The following SCN10A variants were observed in gnomAD, a reference collection of about 807,000 sequenced individuals.
SCN10A encodes sodium channel protein type 10 subunit alpha.
In SCN10A, 162 loss-of-function variants were observed where a neutral mutation model predicts 170.7. That is an observed-to-expected ratio of 0.95 (90% CI 0.84 to 1.08). The LOEUF (loss-of-function observed/expected upper bound fraction) is 1.08, where lower values mean the gene tolerates loss of function less well. SCN10A is among the 50% of genes least tolerant of loss of function. SCN10A has a pLI of 0.00. For missense variants in SCN10A, 2,527 were observed against 2,436.9 expected (o/e 1.04, Z -0.78); for synonymous variants, 985 against 904.6 (o/e 1.09, Z -1.59).
intron 1 of SCN10A, among the ~76,000 whole-genome samples, chr3:38,807,049 G>C (rs2064409074): frequency 6.6e-6 from 1 of 152,088 alleles, no homozygotes; most frequent in Non-Finnish European, 1.5e-5. Flanking sequence ...AGATATCACA[G>C]GATTCCTTTC....
chr3:38,810,561 C>T (rs973503344), intron 1 of SCN10A, among the ~76,000 whole-genome samples: 4 of 152,144 alleles, frequency 2.6e-5, no homozygotes, highest in African/African-American at 9.7e-5. Flanking sequence ...AATTAGGTGG[C>T]CCCAAGATCT....
Position 38,736,963 on chromosome 3 carries a change from G to GTTTTTTTTTTTTTTTTTTTTTTTT in SCN10A, c.2280+2528_2280+2551dup, listed in dbSNP as rs71085334. The stretch of plus-strand genomic sequence containing the variant: ...TTCCCCAAGTGTAGCAGAAATGTTC[G>GTTTTTTTTTTTTTTTTTTTTTTTT]TTTTTTTTTTTTTTTTTTTTTTTTT... On this transcript the variant is annotated intron_variant, in intron 15 of 27. Transcript: ENST00000449082. 4.7e-4 allele frequency among the ~76,000 whole-genome samples: 22 copies of GTTTTTTTTTTTTTTTTTTTTTTTT among 46,680 alleles called. 6 individuals are homozygous for GTTTTTTTTTTTTTTTTTTTTTTTT. The highest frequency in any genetic ancestry group is 1.3e-3 in the East Asian group (2 of 1,554). The allele number at this position is 46,680 out of a possible 152,430, so 30.6% of individuals were successfully genotyped here.
chr3:38,793,629 T>C, intron 2 of SCN10A, 112 bp downstream of exon 2: 1 of 1,021,482 alleles, frequency 9.8e-7, no homozygotes, highest in Non-Finnish European at 1.5e-6. Flanking sequence ...GTTAACGGAA[T>C]CTTTAGCAGA....
At chr3:38,762,785 A>G (rs1290037638) in intron 6 of SCN10A, among the ~76,000 whole-genome samples, 1 of 152,108 alleles carries the variant, frequency 6.6e-6, no homozygotes. Flanking sequence ...AAAGACTTCC[A>G]CTCTAGAATG....
At chr3:38,745,978 T>C (rs2063681564) in intron 13 of SCN10A, among the ~76,000 whole-genome samples, 1 of 149,720 alleles carries the variant, frequency 6.7e-6, no homozygotes, top group South Asian at 2.1e-4. Flanking sequence ...TGTTAACTCA[T>C]CCAGTTGCAT....
intron 15 of SCN10A, among the ~76,000 whole-genome samples, chr3:38,730,853 A>G (rs1051850356): frequency 6.6e-6 from 1 of 152,208 alleles, no homozygotes; most frequent in Admixed American, 6.5e-5. Flanking sequence ...AAATAACAAA[A>G]TAGTGTAAGA....
chr3:38,727,111 C>A (rs1457852992), intron 16 of SCN10A, 59 bp from the exon 17 acceptor site: 4 of 1,512,828 alleles, frequency 2.6e-6, no homozygotes, highest in African/African-American at 1.4e-5. Context: ...CCCACATTGG[C>A]CTACCGGGTT....
chr3:38,724,581 C>A (rs555697633), intron 18 of SCN10A, among the ~76,000 whole-genome samples: 2 of 152,160 alleles, frequency 1.3e-5, no homozygotes, highest in East Asian at 3.9e-4. Flanking sequence ...CTCCCTAGCC[C>A]CAGGCTACTT....
chr3:38,720,981 G>A lies in SCN10A; in HGVS notation c.3507+1277C>T, dbSNP rs183768930. Among the ~76,000 whole-genome samples, 137 of 152,280 alleles carry A rather than the reference G, an allele frequency of 9.0e-4. 1 individual carries two copies. Among genetic ancestry groups the A allele is most frequent in the African/African-American group, 3.2e-3 (132 of 41,560 alleles). On this transcript the variant is annotated intron_variant, in intron 20 of 27. Coordinates refer to ENST00000449082, the MANE Select transcript of SCN10A (RefSeq NM_006514.4). ...TCACTGCCCTGTGCCAGGGCACTGG[G>A]CACCTGCAGCCGCTGTCACACAGTT...
intron 4 of SCN10A, among the ~76,000 whole-genome samples, chr3:38,781,656 G>A (rs2064140890): frequency 6.6e-6 from 1 of 152,114 alleles, no homozygotes; most frequent in South Asian, 2.1e-4. Context: ...CCAAAGCATG[G>A]ATTTTTATGC....
intron 1 of SCN10A, among the ~76,000 whole-genome samples, chr3:38,813,619 A>G (rs561489801): frequency 3.7e-4 from 56 of 152,308 alleles, no homozygotes; most frequent in African/African-American, 1.3e-3. Flanking sequence ...ACTGTACTCT[A>G]TAACTGGCCA....
At chr3:38,729,661 A>G (rs1032276847) in intron 15 of SCN10A, among the ~76,000 whole-genome samples, 1 of 152,220 alleles carries the variant, frequency 6.6e-6, no homozygotes, top group Non-Finnish European at 1.5e-5. Context: ...CAGCAAAATC[A>G]TCAAGCATAA....
chr3:38,779,295 T>C (rs2064111015), intron 4 of SCN10A, among the ~76,000 whole-genome samples: 1 of 152,112 alleles, frequency 6.6e-6, no homozygotes. Context: ...AAACAGCTGC[T>C]GCTGGGATTT....
intron 1 of SCN10A, among the ~76,000 whole-genome samples, chr3:38,811,397 G>A (rs1368707293): frequency 2.7e-5 from 4 of 150,458 alleles, no homozygotes; most frequent in African/African-American, 9.8e-5. Context: ...AGGTTGCAGT[G>A]AGCCGATATT....
At chr3:38,738,332 T>G (rs1033324307) in intron 15 of SCN10A, among the ~76,000 whole-genome samples, 2 of 152,194 alleles carry the variant, frequency 1.3e-5, no homozygotes, top group African/African-American at 4.8e-5. Context: ...CCTGTCTACC[T>G]GAGGCAAATA....
chr3:38,733,358 T>C (rs1254589922), intron 15 of SCN10A, among the ~76,000 whole-genome samples: 2 of 152,272 alleles, frequency 1.3e-5, no homozygotes, highest in African/African-American at 4.8e-5. Flanking sequence ...GAAATAAACC[T>C]TTATTGGGGT....
At chr3:38,757,359 C>T (rs370823133) in intron 8 of SCN10A, among the ~76,000 whole-genome samples, 200 bp from the exon 9 acceptor site, 5 of 152,192 alleles carry the variant, frequency 3.3e-5, no homozygotes, top group East Asian at 1.9e-4. Flanking sequence ...AATACTTTCA[C>T]GTCAGAATTT....
intron 12 of SCN10A, among the ~76,000 whole-genome samples, chr3:38,751,025 C>T (rs749045802): frequency 6.6e-6 from 1 of 152,178 alleles, no homozygotes; most frequent in Non-Finnish European, 1.5e-5. Context: ...GGGAGGGAGA[C>T]CTGTACAAAA....
intron 16 of SCN10A, 79 bp from the exon 17 acceptor site, chr3:38,727,131 CT>C (rs2063466916): frequency 1.4e-6 from 2 of 1,387,780 alleles, no homozygotes; most frequent in Admixed American, 3.6e-5. Context: ...TAGCAGCTGG[CT>C]GGCAAGACAG....
Sources: allele counts gnomAD v4.1 joint callset (sites outside exome capture counted in the v4.1 genomes callset), GRCh38; gene constraint gnomAD v4.1.1; transcripts MANE v1.5; gene names NCBI Gene and HGNC (gene_info 2026-07-23, HGNC 2026-07-21).